TMTC2: variants seen among roughly 807,000 people sequenced by gnomAD.
The protein encoded by TMTC2 is transmembrane O-mannosyltransferase targeting cadherins 2.
TMTC2 carries 43 observed loss-of-function variants against 82.4 expected under a neutral mutation model. That is an observed-to-expected ratio of 0.52 (90% CI 0.41 to 0.67). TMTC2 has a LOEUF of 0.67. TMTC2 is among the 30% of genes least tolerant of loss of function. The probability of loss-of-function intolerance (pLI) is 0.00; values close to 1 mark genes in which losing one functional copy is unlikely to be tolerated. For missense variants in TMTC2, 919 were observed against 1,012.4 expected, an observed-to-expected ratio of 0.91 and a Z score of 1.25; for synonymous variants, 408 against 381.9, an observed-to-expected ratio of 1.07 and a Z score of -0.80.
intron 3 of TMTC2, among the ~76,000 whole-genome samples, chr12:82,929,643 C>G (rs1047786448): frequency 6.6e-6 from 1 of 152,116 alleles, no homozygotes; most frequent in African/African-American, 2.4e-5. Context: ...CTGGGGGACT[C>G]TGCTTTCAGG....
chr12:82,996,049 C>G (rs1879602860), intron 8 of TMTC2, among the ~76,000 whole-genome samples: 1 of 152,082 alleles, frequency 6.6e-6, no homozygotes, highest in South Asian at 2.1e-4. Flanking sequence ...GAAAAGAAAC[C>G]TTCATTCAGT....
intron 1 of TMTC2, among the ~76,000 whole-genome samples, chr12:82,751,358 A>G (rs1372225885): frequency 6.7e-6 from 1 of 150,002 alleles, no homozygotes; most frequent in Admixed American, 6.7e-5. Flanking sequence ...GGACACAGGA[A>G]GGGGAGCATC....
chr12:82,943,159 C>T (rs1261405939), intron 4 of TMTC2, among the ~76,000 whole-genome samples: 7 of 152,108 alleles, frequency 4.6e-5, no homozygotes, highest in Admixed American at 4.6e-4. Flanking sequence ...GTCATAGGTA[C>T]TAGAATGACT....
Position 82,732,120 on chromosome 12 carries a change from G to T in TMTC2, c.83+44451G>T, listed in dbSNP as rs540873622. Among the ~76,000 whole-genome samples, 3 of 152,302 alleles carry T rather than the reference G, an allele frequency of 2.0e-5. No homozygotes were observed. In the South Asian group the frequency reaches 6.2e-4, roughly 32 times the overall value. On this transcript the variant is annotated intron_variant, in intron 1 of 11. Transcript: ENST00000321196. The stretch of plus-strand genomic sequence containing the variant: ...TTTTACAGGTGTTATATTTCAAACA[G>T]AATTAAGTACTTATGTATTTAAAAA...
At chr12:82,728,386 C>T (rs1008744857) in intron 1 of TMTC2, among the ~76,000 whole-genome samples, 1 of 151,860 alleles carries the variant, frequency 6.6e-6, no homozygotes, top group Non-Finnish European at 1.5e-5. Context: ...TGATCTTTCT[C>T]ATTTGAAAAA....
At chr12:82,771,386 TA>T (rs1306672551) in intron 1 of TMTC2, among the ~76,000 whole-genome samples, 2 of 152,122 alleles carry the variant, frequency 1.3e-5, no homozygotes, top group Non-Finnish European at 2.9e-5. Flanking sequence ...AATTGTGTTT[TA>T]AATAATCACC....
intron 1 of TMTC2, among the ~76,000 whole-genome samples, chr12:82,721,029 G>A (rs1256194964): frequency 6.6e-6 from 1 of 152,184 alleles, no homozygotes; most frequent in African/African-American, 2.4e-5. Flanking sequence ...AGAACTAATT[G>A]CTCATCAAGA....
intron 1 of TMTC2, among the ~76,000 whole-genome samples, chr12:82,822,885 A>C (rs1215936165): frequency 6.6e-6 from 1 of 152,188 alleles, no homozygotes; most frequent in African/African-American, 2.4e-5. Context: ...GTCTAGTCTG[A>C]TGTAACAAAT....
intron 1 of TMTC2, among the ~76,000 whole-genome samples, chr12:82,694,685 T>C (rs1226576539): frequency 6.6e-6 from 1 of 152,132 alleles, no homozygotes; most frequent in African/African-American, 2.4e-5. Flanking sequence ...CTAGGTATTA[T>C]CAAATAAAAT....
intron 1 of TMTC2, among the ~76,000 whole-genome samples, chr12:82,741,775 C>T (rs1238416885): frequency 6.6e-6 from 1 of 152,154 alleles, no homozygotes; most frequent in Non-Finnish European, 1.5e-5. Context: ...CCTGTCTGCT[C>T]TCCTTTAAGA....
intron 1 of TMTC2, among the ~76,000 whole-genome samples, chr12:82,801,391 G>A (rs1236355436): frequency 6.6e-6 from 1 of 152,058 alleles, no homozygotes; most frequent in Non-Finnish European, 1.5e-5. Context: ...TTATTGCAAA[G>A]AGCGAAAGAA....
At chr12:82,995,904 C>G (rs11115511) in intron 8 of TMTC2, among the ~76,000 whole-genome samples, 12,331 of 152,238 alleles carry the variant, frequency 0.081, 560 homozygotes, top group Non-Finnish European at 0.1. Flanking sequence ...CCCCAAGGGA[C>G]TGGTATGAAA....
chr12:82,690,584 T>C (rs1872530949), intron 1 of TMTC2: 1 of 206,726 alleles, frequency 4.8e-6, no homozygotes, highest in Non-Finnish European at 8.5e-6. Context: ...AAATTTAATA[T>C]TTTACAAGTG....
chr12:82,887,253 T>C (rs1164148878), intron 2 of TMTC2, among the ~76,000 whole-genome samples: 3 of 152,222 alleles, frequency 2.0e-5, no homozygotes, highest in Admixed American at 1.3e-4. Context: ...CAGTTTCATT[T>C]ATGTCCCAGA....
Position 82,724,524 on chromosome 12 carries a change from G to A in TMTC2, c.83+36855G>A, listed in dbSNP as rs75849354. Reference sequence around the variant, plus strand: ...TGCGCTCTCTCTCTCCTACTGCCTTGTGAAGAAGGTGCTTGCCTCTTCACC... The same window carrying A: ...TGCGCTCTCTCTCTCCTACTGCCTTATGAAGAAGGTGCTTGCCTCTTCACC... On this transcript the variant is annotated intron_variant, in intron 1 of 11. Coordinates refer to ENST00000321196, the MANE Select transcript of TMTC2 (RefSeq NM_152588.3). 7.0e-3 allele frequency among the ~76,000 whole-genome samples: 1,069 copies of A among 152,250 alleles called. 8 individuals carry two copies. Among genetic ancestry groups the A allele is most frequent in the Middle Eastern group, 0.024 (7 of 294 alleles).
chr12:83,127,425 G>A (rs989801823), intron 11 of TMTC2, among the ~76,000 whole-genome samples: 2 of 151,800 alleles, frequency 1.3e-5, no homozygotes, highest in Non-Finnish European at 2.9e-5. Context: ...AACGGAAATG[G>A]CCACAGAGAC....
At chr12:82,922,023 C>T (rs559211338) in intron 3 of TMTC2, among the ~76,000 whole-genome samples, 1 of 151,848 alleles carries the variant, frequency 6.6e-6, no homozygotes, top group East Asian at 1.9e-4. Context: ...GGGAGGATTG[C>T]TTAAGCCCAA....
At chr12:82,950,945 AAAG>A in intron 4 of TMTC2, among the ~76,000 whole-genome samples, 1 of 152,246 alleles carries the variant, frequency 6.6e-6, no homozygotes, top group Non-Finnish European at 1.5e-5. Context: ...GAATTTAAAA[AAAG>A]AACTTTATGA....
chr12:82,859,634 T>G (rs1288243690), intron 2 of TMTC2, among the ~76,000 whole-genome samples: 1 of 152,224 alleles, frequency 6.6e-6, no homozygotes, highest in Non-Finnish European at 1.5e-5. Context: ...ATTTTATTTG[T>G]CAACCTTATT....
Sources: gnomAD v4.1 joint callset for allele counts (sites outside exome capture counted in the v4.1 genomes callset) on GRCh38, gnomAD v4.1.1 for gene constraint, MANE v1.5 for transcripts, NCBI Gene and HGNC (gene_info 2026-07-23, HGNC 2026-07-21) for gene names.